ESR1: variants seen among roughly 807,000 people sequenced by gnomAD.
ESR1 encodes estrogen receptor 1, also known as estrogen receptor.
In ESR1, 12 loss-of-function variants were observed where a neutral mutation model predicts 52.7. The ratio of observed to expected loss-of-function variants is 0.23; its 90% CI spans 0.15 to 0.37. The LOEUF is 0.37. Ranked by LOEUF, ESR1 falls within the 10% of genes least tolerant of loss-of-function variation. ESR1 has a pLI of 1.00. For missense variants in ESR1, 584 were observed against 779.7 expected (o/e 0.75, Z 2.99); for synonymous variants, 305 against 316.8 (o/e 0.96, Z 0.39).
At chr6:151,746,365 T>C (rs9397445) in intron 2 of ESR1, among the ~76,000 whole-genome samples, 6,350 of 152,330 alleles carry the variant, frequency 0.042, 441 homozygotes, top group East Asian at 0.27. Flanking sequence ...ACGAAGAAGA[T>C]GGTAACTTTA....
intron 4 of ESR1, among the ~76,000 whole-genome samples, chr6:151,982,529 G>A (rs2040089510): frequency 6.6e-6 from 1 of 151,756 alleles, no homozygotes; most frequent in South Asian, 2.1e-4. Flanking sequence ...TTGTCACCCA[G>A]GCTGGAATGC....
At chr6:151,726,723 A>G (rs1781875709) in intron 2 of ESR1, among the ~76,000 whole-genome samples, 2 of 152,244 alleles carry the variant, frequency 1.3e-5, no homozygotes, top group African/African-American at 4.8e-5. Flanking sequence ...TATCTGCCAA[A>G]CTTGCTAATT....
At chr6:151,956,202 T>C (rs1009148763) in intron 4 of ESR1, among the ~76,000 whole-genome samples, 2 of 152,222 alleles carry the variant, frequency 1.3e-5, no homozygotes, top group African/African-American at 4.8e-5. Context: ...TTCATGTGTC[T>C]TTATGGTAGA....
chr6:151,782,166 A>G (rs1360665929), intron 2 of ESR1, among the ~76,000 whole-genome samples: 1 of 152,180 alleles, frequency 6.6e-6, no homozygotes, highest in African/African-American at 2.4e-5. Flanking sequence ...AACCTGTTGG[A>G]GTTGGAAACT....
chr6:151,839,438 C>T (rs1241645687), intron 1 of ESR1, among the ~76,000 whole-genome samples: 1 of 152,066 alleles, frequency 6.6e-6, no homozygotes, highest in African/African-American at 2.4e-5. Context: ...CTGGTGATTC[C>T]TCAAAAAATC....
At position 152,125,467 on chromosome 6, in the gene ESR1, C is replaced by A. The variant is rs1417808631; in HGVS notation, c.*119C>A. Reference sequence around the variant, plus strand: ...TGGGCAAGTAAATTAGTCTCTCTGGCCTTCAGTTTTCTCATTTGCAATGAT... The same window carrying A: ...TGGGCAAGTAAATTAGTCTCTCTGGACTTCAGTTTTCTCATTTGCAATGAT... On this transcript the variant is annotated 3_prime_UTR_variant, in exon 7 of 7. Coordinates refer to the ESR1 transcript ENST00000427531. 9.1e-6 allele frequency: 12 copies of A among 1,313,086 alleles called. No homozygotes were observed. The South Asian group carries it at 1.8e-4, about 19-fold the overall frequency. 81.3% of individuals were successfully genotyped at this position (1,313,086 alleles called of 1,614,324 possible). A position where few individuals can be genotyped will look rare whatever the true frequency, so the allele number is the denominator to read the frequency against.
At chr6:151,843,897 G>A (rs890776887) in intron 2 of ESR1, among the ~76,000 whole-genome samples, 23 of 149,394 alleles carry the variant, frequency 1.5e-4, no homozygotes, top group Non-Finnish European at 2.8e-4. Context: ...TTTTCCTTCC[G>A]TTGCCAGTGG....
At chr6:151,864,993 T>C (rs1214206314) in intron 2 of ESR1, among the ~76,000 whole-genome samples, 1 of 150,630 alleles carries the variant, frequency 6.6e-6, no homozygotes, top group South Asian at 2.1e-4. Context: ...ATGTAAATGA[T>C]GAGTTAATGG....
chr6:151,694,550 G>C (rs1779185641), intron 1 of ESR1, among the ~76,000 whole-genome samples: 1 of 152,194 alleles, frequency 6.6e-6, no homozygotes, highest in African/African-American at 2.4e-5. Context: ...CACTTTGGGG[G>C]GCTGAGGTGG....
At chr6:152,120,271 G>A (rs541897375) in intron 6 of ESR1, among the ~76,000 whole-genome samples, 8 of 152,280 alleles carry the variant, frequency 5.3e-5, no homozygotes, top group African/African-American at 1.4e-4. Context: ...TCCAGATATC[G>A]GGAGGAGTGA....
At chr6:152,089,303 G>A (rs1273771673) in intron 6 of ESR1, among the ~76,000 whole-genome samples, 1 of 152,098 alleles carries the variant, frequency 6.6e-6, no homozygotes, top group East Asian at 1.9e-4. Flanking sequence ...TTTTATAATT[G>A]TTGGCTCTAA....
intron 2 of ESR1, among the ~76,000 whole-genome samples, chr6:151,791,373 T>C (rs144028521): frequency 1.3e-5 from 2 of 152,300 alleles, no homozygotes; most frequent in Admixed American, 6.5e-5. Flanking sequence ...TTTCACGAGC[T>C]CTCTTGCCTG....
Position 152,125,154 on chromosome 6 carries a change from A to G in ESR1, c.851-112A>G, listed in dbSNP as rs1437591001. On this transcript the variant is annotated intron_variant, in intron 6 of 6. Transcript: ENST00000427531. ...CTACAGTTAAAGGAAGAGGCCTAGC[A>G]GGGACTCAGGCTTCCAAAATCCCTG... 20 of 1,275,812 alleles carry G rather than the reference A, an allele frequency of 1.6e-5. No homozygotes were observed. The Middle Eastern group carries it at 5.7e-4, about 37-fold the overall frequency. 79.0% of individuals were successfully genotyped at this position (1,275,812 alleles called of 1,614,324 possible). A position where few individuals can be genotyped will look rare whatever the true frequency, so the allele number is the denominator to read the frequency against.
chr6:151,832,807 G>C (rs1013236304), intron 1 of ESR1, among the ~76,000 whole-genome samples: 1 of 152,300 alleles, frequency 6.6e-6, no homozygotes, highest in Middle Eastern at 3.4e-3. Context: ...GAAAAGCTTA[G>C]TTGGGAAGGC....
At chr6:151,883,073 G>A (rs1307346203) in intron 3 of ESR1, among the ~76,000 whole-genome samples, 1 of 151,934 alleles carries the variant, frequency 6.6e-6, no homozygotes, top group Non-Finnish European at 1.5e-5. Context: ...TCTGGAAGCT[G>A]GACATGCATA....
At chr6:151,777,453 T>G (rs1312471734) in intron 2 of ESR1, among the ~76,000 whole-genome samples, 1 of 151,914 alleles carries the variant, frequency 6.6e-6, no homozygotes, top group Admixed American at 6.6e-5. Context: ...CAAGTAAGGG[T>G]ATTGGTTAGG....
chr6:151,901,669 G>A lies in ESR1; in HGVS notation c.760+20898G>A, dbSNP rs115251303. Among the ~76,000 whole-genome samples, 1,207 of 152,300 alleles carry A rather than the reference G, an allele frequency of 7.9e-3. 23 individuals are homozygous for A. The highest frequency in any genetic ancestry group is 0.028 in the African/African-American group (1,167 of 41,554). On this transcript the variant is annotated intron_variant, in intron 3 of 7. Transcript: ENST00000206249. ...AGCTGTCTAATTAAATCAGCTCCAG[G>A]TAAGTTCATATCCTTCTCCCATGAT...
At chr6:151,672,600 G>A (rs1413081613) in intron 1 of ESR1, among the ~76,000 whole-genome samples, 1 of 152,072 alleles carries the variant, frequency 6.6e-6, no homozygotes, top group Non-Finnish European at 1.5e-5. Context: ...GCCTCCCAAA[G>A]TGCTGGGATA....
intron 6 of ESR1, among the ~76,000 whole-genome samples, chr6:152,075,739 G>T (rs2048687853): frequency 6.6e-6 from 1 of 152,178 alleles, no homozygotes; most frequent in Admixed American, 6.5e-5. Context: ...AGCTTTGCAG[G>T]CTATTAAGCA....
Sources: gnomAD v4.1 joint callset for allele counts (sites outside exome capture counted in the v4.1 genomes callset) on GRCh38, gnomAD v4.1.1 for gene constraint, MANE v1.5 for transcripts, NCBI Gene and HGNC (gene_info 2026-07-23, HGNC 2026-07-21) for gene names.